Variants in FBXO2 observed in about 807,000 individuals in gnomAD.
FBXO2 encodes the protein F-box only protein 2.
Under a neutral mutation model 38.6 loss-of-function variants are expected in FBXO2, and 32 were observed. That is an observed-to-expected ratio of 0.83 (90% CI 0.62 to 1.11). The LOEUF (loss-of-function observed/expected upper bound fraction) is 1.11, where lower values mean the gene tolerates loss of function less well. FBXO2 is among the 50% of genes most tolerant of loss of function. The probability of loss-of-function intolerance (pLI) is 0.00; values close to 1 mark genes in which losing one functional copy is unlikely to be tolerated. For synonymous variants in FBXO2, 189 were observed against 182.9 expected (o/e 1.03, Z -0.27); for missense variants, 450 against 418.3 (o/e 1.08, Z -0.66).
In FBXO2 at chr1:11,649,213, G is replaced by A. The variant is rs1434530746; in HGVS notation, c.630C>T (p.Arg210=). ...AIVVKDWYSG[R]SDAGCLYELT... ...GCTCGTAGAGGCAACCAGCGTCGCT[G>A]CGGCCCGAGTACCTGCTCAGAGGGA... is the stretch of plus-strand genomic sequence containing the variant. Residue 210 remains arginine, a synonymous_variant, in exon 5 of 6, where the codon CGC becomes CGT. Transcript: ENST00000354287. 6.5e-7 allele frequency: 1 copy of A among 1,549,398 alleles called. No homozygotes were observed. Among genetic ancestry groups the A allele is most frequent in the Admixed American group, 2.0e-5 (1 of 51,010 alleles).
Position 11,654,206 on chromosome 1 carries a change from T to C in FBXO2, c.22+113A>G, listed in dbSNP as rs564249113. ...TCTAGGGCTTCGCTGGCGTGAAAGTTTGCCGCGCCAGGTCTCCGGGTCCCC... is the reference window on the plus strand; with the variant it reads ...TCTAGGGCTTCGCTGGCGTGAAAGTCTGCCGCGCCAGGTCTCCGGGTCCCC... On this transcript the variant is annotated intron_variant, in intron 1 of 5. Transcript: ENST00000354287. The C allele has an allele frequency of 9.9e-6, 12 of 1,208,270 alleles. No individual in the cohort carries two copies. In the Admixed American group the frequency reaches 3.6e-4, roughly 36 times the overall value. The allele number at this position is 1,208,270 out of a possible 1,614,324, so 74.8% of individuals were successfully genotyped here. A position where few individuals can be genotyped will look rare whatever the true frequency, so the allele number is the denominator to read the frequency against.
Position 11,650,453 on chromosome 1 carries a change from G to C in FBXO2, c.391+13C>G. On this transcript the variant is annotated intron_variant, in intron 2 of 5. Transcript: ENST00000354287. ...GCAGGGGAAGCTGAGCTCGCCCAGC[G>C]AGGGCCTCTCACCTTCCCCACACGG... The C allele has an allele frequency of 6.2e-7, 1 of 1,604,296 alleles. No homozygotes were observed. The highest frequency in any genetic ancestry group is 8.5e-7 in the Non-Finnish European group (1 of 1,175,522).
At chr1:11,652,309 T>C (rs1470980330) in intron 1 of FBXO2, among the ~76,000 whole-genome samples, 2 of 152,028 alleles carry the variant, frequency 1.3e-5, no homozygotes, top group African/African-American at 4.8e-5. Flanking sequence ...AGGAGGGACT[T>C]ATTAAAAGAA....
intron 4 of FBXO2, 118 bp downstream of exon 4, chr1:11,649,661 G>A (rs1209101694): frequency 9.7e-6 from 10 of 1,027,700 alleles, no homozygotes; most frequent in Non-Finnish European, 1.4e-5. Flanking sequence ...CGTGGCCCAC[G>A]TGGCCTCAAC....
Position 11,648,904 on chromosome 1 carries a change from C to A in FBXO2, c.757-76G>T, listed in dbSNP as rs1331306811. 1.9e-6 allele frequency: 3 copies of A among 1,576,538 alleles called. No individual in the cohort carries two copies. Among genetic ancestry groups the A allele is most frequent in the Non-Finnish European group, 2.6e-6 (3 of 1,154,278 alleles). ...TGCCGCCCCACCCCGGTACACCGAC[C>A]GACCTGCAGCTCCCCCACTCGGTTT... On this transcript the variant is annotated intron_variant, in intron 5 of 5. Coordinates refer to ENST00000354287, the MANE Select transcript of FBXO2 (RefSeq NM_012168.6). This position sits in a 1 kb window ranked among gnomAD's most constrained non-coding sequence, Gnocchi z 4.2.
chr1:11,652,686 C>T (rs77114167), intron 1 of FBXO2, among the ~76,000 whole-genome samples: 7,763 of 152,276 alleles, frequency 0.051, 251 homozygotes, highest in South Asian at 0.075. Flanking sequence ...CTCAGACCTA[C>T]GGATGGGGAG....
intron 1 of FBXO2, among the ~76,000 whole-genome samples, 163 bp from the exon 2 acceptor site, chr1:11,650,997 C>G (rs1034040059): frequency 6.6e-6 from 1 of 152,230 alleles, no homozygotes; most frequent in Non-Finnish European, 1.5e-5. Flanking sequence ...AGGAGGGCCA[C>G]AAGGCCACAG....
At chr1:11,650,123 C>G (rs1639488986) in intron 2 of FBXO2, 49 bp from the exon 3 acceptor site, 1 of 1,606,296 alleles carries the variant, frequency 6.2e-7, no homozygotes, top group African/African-American at 1.3e-5. Context: ...CCTGCTAAGG[C>G]TGGCTCTTGC....
At chr1:11,649,394 C>T in intron 4 of FBXO2, 169 bp from the exon 5 acceptor site, 1 of 639,532 alleles carries the variant, frequency 1.6e-6, no homozygotes, top group Non-Finnish European at 2.7e-6. Context: ...ATAAGGGAAA[C>T]GAGGCCAGCA....
Position 11,648,972 on chromosome 1 carries a change from T to TCCGCCCAGCC in FBXO2, c.756+114_756+115insGGCTGGGCGG. 1 of 713,242 alleles carries TCCGCCCAGCC rather than the reference T, an allele frequency of 1.4e-6. No homozygotes were observed. The highest frequency in any genetic ancestry group is 2.1e-6 in the Non-Finnish European group (1 of 475,536). The allele number at this position is 713,242 out of a possible 1,614,324, so 44.2% of individuals were successfully genotyped here. On this transcript the variant is annotated intron_variant, in intron 5 of 5. Coordinates refer to ENST00000354287, the MANE Select transcript of FBXO2 (RefSeq NM_012168.6). The surrounding 1 kb of genome is among the most constrained non-coding windows in gnomAD (Gnocchi z 4.2). ...CTCTCTCCACCACCCGGTGACTATC[T>TCCGCCCAGCC]CAGCCCAGCCCAGCCCAGCCCACCC...
intron 1 of FBXO2, 120 bp from the exon 2 acceptor site, chr1:11,650,954 G>A (rs1015086884): frequency 8.0e-6 from 11 of 1,370,234 alleles, no homozygotes; most frequent in Non-Finnish European, 1.0e-5. Context: ...AGCTGGGGCC[G>A]GAGATTCTGT....
chr1:11,649,838 A>AG lies in FBXO2; in HGVS notation c.557dup (p.Glu187Ter). On this transcript the variant is annotated frameshift_variant, in exon 4 of 6. Transcript: ENST00000354287. LOFTEE classifies it high-confidence loss of function. ...CCAGCAGCTCCTCCCAGTAGCCCTC[A>AG]GCCTGCAGGTCAATGACCTGTGCTT... 6.2e-7 allele frequency: 1 copy of AG among 1,614,004 alleles called. No homozygotes were observed. Among genetic ancestry groups the AG allele is most frequent in the Non-Finnish European group, 8.5e-7 (1 of 1,180,012 alleles).
chr1:11,653,127 C>T (rs933824543), intron 1 of FBXO2, among the ~76,000 whole-genome samples: 8 of 152,286 alleles, frequency 5.3e-5, no homozygotes, highest in Admixed American at 5.2e-4. Flanking sequence ...AGGCAGATGC[C>T]CACAGCTCTC....
intron 2 of FBXO2, 131 bp downstream of exon 2, chr1:11,650,335 C>T: frequency 1.4e-6 from 2 of 1,446,494 alleles, no homozygotes; most frequent in South Asian, 1.4e-5. Context: ...CAGTAATAGA[C>T]AGCCTTGGGG....
Position 11,648,634 on chromosome 1 carries a change from C to T in FBXO2, c.*60G>A. Reference sequence around the variant, plus strand: ...GAGGACGCTATGGACTAAGTTAAGGCCTATCTACCCTCGACCTTTGCCCCT... The same window carrying T: ...GAGGACGCTATGGACTAAGTTAAGGTCTATCTACCCTCGACCTTTGCCCCT... On this transcript the variant is annotated 3_prime_UTR_variant, in exon 6 of 6. Transcript: ENST00000354287. This position sits in a 1 kb window ranked among gnomAD's most constrained non-coding sequence, Gnocchi z 4.2. 1 of 1,594,818 alleles carries T rather than the reference C, an allele frequency of 6.3e-7. No individual in the cohort carries two copies. The highest frequency in any genetic ancestry group is 8.6e-7 in the Non-Finnish European group (1 of 1,166,580).
intron 1 of FBXO2, 42 bp from the exon 2 acceptor site, chr1:11,650,876 T>A (rs1408443443): frequency 1.3e-6 from 2 of 1,553,208 alleles, no homozygotes; most frequent in Non-Finnish European, 1.7e-6. Flanking sequence ...TCCTCCACCC[T>A]GTACTCCTCC....
At position 11,654,382 on chromosome 1, in the gene FBXO2, C is replaced by T. The variant is rs1337643816; in HGVS notation, c.-42G>A. On this transcript the variant is annotated 5_prime_UTR_variant, in exon 1 of 6. Coordinates refer to ENST00000354287, the MANE Select transcript of FBXO2 (RefSeq NM_012168.6). ...CGCGAGAGGAGGAGCCGGAGCGCTGCGGGCTGCGCGAGTCCCGGGGCGGCG... is the reference window on the plus strand; with the variant it reads ...CGCGAGAGGAGGAGCCGGAGCGCTGTGGGCTGCGCGAGTCCCGGGGCGGCG... 4 of 1,362,960 alleles carry T rather than the reference C, an allele frequency of 2.9e-6. No homozygotes were observed. The highest frequency in any genetic ancestry group is 3.8e-6 in the Non-Finnish European group (4 of 1,062,100). The allele number at this position is 1,362,960 out of a possible 1,614,324, so 84.4% of individuals were successfully genotyped here.
chr1:11,648,675 A>G lies in FBXO2; in HGVS notation c.*19T>C. ...CTTTGCCCCTCCAGGCAGCTGGGGG[A>G]GAGTGGAGGCAGGGTCGCTCAGGGT... On this transcript the variant is annotated 3_prime_UTR_variant, in exon 6 of 6. Transcript: ENST00000354287. The surrounding 1 kb of genome is among the most constrained non-coding windows in gnomAD (Gnocchi z 4.2). 1 of 1,611,960 alleles carries G rather than the reference A, an allele frequency of 6.2e-7. No homozygotes were observed. Among genetic ancestry groups the G allele is most frequent in the South Asian group, 1.1e-5 (1 of 91,036 alleles).
chr1:11,649,742 C>T (rs766506868), intron 4 of FBXO2, 37 bp downstream of exon 4: 1 of 1,604,608 alleles, frequency 6.2e-7, no homozygotes, highest in East Asian at 2.2e-5. Flanking sequence ...CCTTACCCCG[C>T]TCCTCCCAGC....
Sources: gnomAD v4.1 joint callset for allele counts (sites outside exome capture counted in the v4.1 genomes callset) on GRCh38, gnomAD v4.1.1 for gene constraint, Gnocchi (gnomAD v3.1) non-coding constraint, MANE v1.5 for transcripts, NCBI Gene and HGNC (gene_info 2026-07-23, HGNC 2026-07-21) for gene names.